Variants in ARB2A observed in about 807,000 individuals in gnomAD.
ARB2A encodes the protein ARB2 cotranscriptional regulator A.
At chr5:93,824,321 G>A in the ARB2A span, 1 of 1,294,590 alleles carries the variant, frequency 7.7e-7, no homozygotes, top group Non-Finnish European at 1.0e-6. Flanking sequence ...TATTATCATA[G>A]CAAACAACAA....
chr5:94,024,931 G>A, the ARB2A span, among the ~76,000 whole-genome samples: 1 of 152,170 alleles, frequency 6.6e-6, no homozygotes, highest in African/African-American at 2.4e-5. Context: ...CAAGAGGGAG[G>A]CAAGAGATGA....
the ARB2A span, among the ~76,000 whole-genome samples, chr5:94,091,537 G>T: frequency 6.6e-6 from 1 of 152,206 alleles, no homozygotes; most frequent in East Asian, 1.9e-4. Context: ...TTCATAAGCA[G>T]TGAAGTCCTG....
chr5:93,851,916 A>G, the ARB2A span, among the ~76,000 whole-genome samples: 5 of 152,270 alleles, frequency 3.3e-5, no homozygotes, highest in Non-Finnish European at 5.9e-5. Context: ...ATAAACATAC[A>G]AGTGCATGTG....
At chr5:93,694,860 A>G in the ARB2A span, among the ~76,000 whole-genome samples, 2 of 152,186 alleles carry the variant, frequency 1.3e-5, no homozygotes, top group African/African-American at 4.8e-5. Flanking sequence ...AATGGAACAG[A>G]ACAGAGGCCT....
chr5:93,629,537 A>G, the ARB2A span, among the ~76,000 whole-genome samples: 15 of 152,170 alleles, frequency 9.9e-5, no homozygotes, highest in South Asian at 2.1e-4. Context: ...AATTTTAACA[A>G]TCTACACATA....
At chr5:93,809,125 C>T in the ARB2A span, among the ~76,000 whole-genome samples, 2 of 151,860 alleles carry the variant, frequency 1.3e-5, no homozygotes, top group Non-Finnish European at 2.9e-5. Flanking sequence ...TATTCCTTGG[C>T]AAAACACTAC....
the ARB2A span, chr5:93,743,265 A>G: frequency 6.6e-6 from 1 of 152,286 alleles, no homozygotes; most frequent in Admixed American, 6.5e-5. Flanking sequence ...AACCCTTGCT[A>G]GAATGTGTGC....
At chr5:94,002,230 A>T in the ARB2A span, among the ~76,000 whole-genome samples, 59 of 152,212 alleles carry the variant, frequency 3.9e-4, no homozygotes, top group African/African-American at 1.4e-3. Flanking sequence ...TAAAAAAAAC[A>T]GAAAGCTCTG....
chr5:94,098,247 C>T, the ARB2A span, among the ~76,000 whole-genome samples: 12 of 152,118 alleles, frequency 7.9e-5, no homozygotes, highest in Non-Finnish European at 1.6e-4. Flanking sequence ...GATGAAGAAC[C>T]CGTGGAAGGA....
the ARB2A span, among the ~76,000 whole-genome samples, chr5:93,848,034 C>T: frequency 3.9e-5 from 6 of 152,314 alleles, no homozygotes; most frequent in South Asian, 1.2e-3. Flanking sequence ...TATTTAACTT[C>T]TGTTAATAAC....
chr5:94,081,938 A>G, the ARB2A span, among the ~76,000 whole-genome samples: 4 of 152,192 alleles, frequency 2.6e-5, no homozygotes, highest in African/African-American at 9.6e-5. Context: ...AGCAAGAAGT[A>G]GACTTCAGGC....
the ARB2A span, among the ~76,000 whole-genome samples, chr5:93,623,290 C>T: frequency 2.7e-4 from 41 of 150,442 alleles, 1 homozygote; most frequent in East Asian, 7.2e-3. Flanking sequence ...TGTCTCTTTT[C>T]GTAACCATTT....
chr5:93,705,643 G>A, the ARB2A span, among the ~76,000 whole-genome samples: 1 of 146,356 alleles, frequency 6.8e-6, no homozygotes, highest in Admixed American at 6.7e-5. Flanking sequence ...GTGTGTGTGT[G>A]TGTGTGTGTA....
At chr5:93,922,197 G>A in the ARB2A span, among the ~76,000 whole-genome samples, 1 of 152,262 alleles carries the variant, frequency 6.6e-6, no homozygotes. Flanking sequence ...TCCTGCTGGA[G>A]AAACCTGTGT....
At chr5:93,668,756 A>G in the ARB2A span, among the ~76,000 whole-genome samples, 21 of 152,174 alleles carry the variant, frequency 1.4e-4, no homozygotes, top group Admixed American at 1.4e-3. Context: ...GATAAAAGCT[A>G]TTCTTATCAA....
chr5:94,086,682 A>G, the ARB2A span, among the ~76,000 whole-genome samples: 4 of 152,082 alleles, frequency 2.6e-5, no homozygotes, highest in Non-Finnish European at 5.9e-5. Flanking sequence ...ACTCCCGAGT[A>G]GCTGAGATTA....
At chr5:93,954,596 G>A in the ARB2A span, among the ~76,000 whole-genome samples, 1 of 151,928 alleles carries the variant, frequency 6.6e-6, no homozygotes, top group Admixed American at 6.6e-5. Context: ...CCTGGGTTGG[G>A]GGAGGGGTGG....
At chr5:93,766,570 A>T in the ARB2A span, among the ~76,000 whole-genome samples, 1 of 152,160 alleles carries the variant, frequency 6.6e-6, no homozygotes, top group Non-Finnish European at 1.5e-5. Flanking sequence ...GAGAAATAGG[A>T]ACACTTTTAC....
the ARB2A span, among the ~76,000 whole-genome samples, chr5:94,069,843 T>C: frequency 1.3e-5 from 2 of 152,182 alleles, no homozygotes; most frequent in Non-Finnish European, 2.9e-5. Flanking sequence ...TTGTTAAGAA[T>C]GTAAATCTGT....
Sources: allele counts gnomAD v4.1 joint callset (sites outside exome capture counted in the v4.1 genomes callset), GRCh38; gene constraint gnomAD v4.1.1; transcripts MANE v1.5; gene names NCBI Gene and HGNC (gene_info 2026-07-23, HGNC 2026-07-21).